RHBDL3: variants seen among roughly 807,000 people sequenced by gnomAD.
RHBDL3 encodes the protein rhomboid-related protein 3.
RHBDL3 carries 28 observed loss-of-function variants against 48.2 expected under a neutral mutation model. That is an observed-to-expected ratio of 0.58 (90% CI 0.43 to 0.80). The LOEUF (loss-of-function observed/expected upper bound fraction) is 0.80. Ranked by LOEUF, RHBDL3 falls within the 30% of genes least tolerant of loss-of-function variation. The pLI is 0.00. For synonymous variants in RHBDL3, 208 were observed against 232.3 expected (o/e 0.90, Z 0.95); for missense variants, 464 against 542.7 (o/e 0.85, Z 1.44).
intron 2 of RHBDL3, among the ~76,000 whole-genome samples, chr17:32,281,819 C>T (rs1221566909): frequency 6.6e-6 from 1 of 152,186 alleles, no homozygotes; most frequent in South Asian, 2.1e-4. Flanking sequence ...CCTTCCTCTC[C>T]TGGGCCCACA....
At chr17:32,316,386 C>T (rs1378273514) in intron 8 of RHBDL3, 94 bp downstream of exon 8, 15 of 914,546 alleles carry the variant, frequency 1.6e-5, no homozygotes, top group Non-Finnish European at 2.4e-5. Flanking sequence ...GGCTTATGGT[C>T]AAGAAAAAAA....
At chr17:32,294,125 T>G (rs2040395900) in intron 4 of RHBDL3, among the ~76,000 whole-genome samples, 169 bp from the exon 5 acceptor site, 1 of 128,924 alleles carries the variant, frequency 7.8e-6, no homozygotes. Flanking sequence ...CGAAACTCCA[T>G]CTCAAAAAAA....
At chr17:32,269,302 C>T (rs1042747951) in intron 2 of RHBDL3, among the ~76,000 whole-genome samples, 2 of 152,184 alleles carry the variant, frequency 1.3e-5, no homozygotes, top group Admixed American at 6.5e-5. Flanking sequence ...GAGCCACGAT[C>T]GTGCTACTGC....
Position 32,294,442 on chromosome 17 carries a change from G to A in RHBDL3, c.668G>A (p.Gly223Glu), listed in dbSNP as rs773498800. 3.1e-6 allele frequency: 5 copies of A among 1,613,080 alleles called. No homozygotes were observed. Among genetic ancestry groups the A allele is most frequent in the East Asian group, 2.2e-5 (1 of 44,824 alleles). Residue 223 changes from glycine to glutamate, a missense_variant and splice_region_variant, in exon 5 of 9, where the codon GGG becomes GAG. Gly to Glu is a moderately conservative substitution (Grantham distance 98). Transcript: ENST00000269051. Reference sequence around the variant, plus strand: ...CTGACATACATCTTCATGCATGCAGGGTGAGTACCTGTCTTCTTTTGCTCT... The same window carrying A: ...CTGACATACATCTTCATGCATGCAGAGTGAGTACCTGTCTTCTTTTGCTCT... Reference protein sequence around the residue: ...RYLTYIFMHAGIEHLGLNVVL... With the variant: ...RYLTYIFMHAEIEHLGLNVVL...
chr17:32,320,114 A>T (rs2041087851), intron 8 of RHBDL3, among the ~76,000 whole-genome samples: 1 of 151,944 alleles, frequency 6.6e-6, no homozygotes, highest in Non-Finnish European at 1.5e-5. Flanking sequence ...CAAAAAAAAA[A>T]ATTTTTTTTT....
intron 2 of RHBDL3, among the ~76,000 whole-genome samples, chr17:32,276,936 C>T (rs983250956): frequency 2.7e-5 from 4 of 147,362 alleles, no homozygotes; most frequent in Non-Finnish European, 4.5e-5. Flanking sequence ...CACCTTACTC[C>T]GGCCCTAGCA....
At chr17:32,320,235 T>C (rs919581527) in intron 8 of RHBDL3, among the ~76,000 whole-genome samples, 1 of 152,158 alleles carries the variant, frequency 6.6e-6, no homozygotes, top group Non-Finnish European at 1.5e-5. Flanking sequence ...ATGGTGCCGC[T>C]GTACTCCCGC....
intron 5 of RHBDL3, among the ~76,000 whole-genome samples, chr17:32,297,524 G>GC (rs967038435): frequency 6.6e-6 from 1 of 152,080 alleles, no homozygotes; most frequent in African/African-American, 2.4e-5. Flanking sequence ...TGACCACATG[G>GC]CCCAGTGAAT....
At chr17:32,293,944 A>G (rs1421342125) in intron 4 of RHBDL3, among the ~76,000 whole-genome samples, 1 of 152,120 alleles carries the variant, frequency 6.6e-6, no homozygotes, top group Non-Finnish European at 1.5e-5. Context: ...CTTGACCAAC[A>G]TGGAGAAACC....
chr17:32,304,702 C>T lies in RHBDL3; in HGVS notation c.782-639C>T, dbSNP rs569346360. Among the ~76,000 whole-genome samples, 4 of 152,234 alleles carry T rather than the reference C, an allele frequency of 2.6e-5. No homozygotes were observed. In the South Asian group the frequency reaches 8.3e-4, roughly 32 times the overall value. On this transcript the variant is annotated intron_variant, in intron 6 of 8. Transcript: ENST00000269051. ...AACCCTGACATAGCACCATGTCAGG[C>T]AGACATTGGATTGAGAGGCAGATAA... is the stretch of plus-strand genomic sequence containing the variant.
At chr17:32,320,685 A>G (rs1043312246) in intron 8 of RHBDL3, among the ~76,000 whole-genome samples, 6 of 152,144 alleles carry the variant, frequency 3.9e-5, no homozygotes, top group African/African-American at 1.4e-4. Flanking sequence ...TCCCTCCTTA[A>G]AACAGGCATT....
chr17:32,271,212 C>A (rs1279153579), intron 2 of RHBDL3, among the ~76,000 whole-genome samples: 3 of 152,160 alleles, frequency 2.0e-5, no homozygotes, highest in African/African-American at 7.2e-5. Flanking sequence ...TTAAAAACAT[C>A]ATATAACCCT....
Position 32,289,012 on chromosome 17 carries a change from T to G in RHBDL3, c.515T>G (p.Leu172Arg). 6.2e-7 allele frequency: 1 copy of G among 1,613,908 alleles called. No homozygotes were observed. The highest frequency in any genetic ancestry group is 8.5e-7 in the Non-Finnish European group (1 of 1,179,880). Residue 172 changes from leucine to arginine, a missense_variant, in exon 4 of 9, where the codon CTG becomes CGG. Transcript: ENST00000269051. ...PPWFMITVTLLEVAFFLYNGV... is the reference protein window; with the variant it reads ...PPWFMITVTLREVAFFLYNGV... ...TGGTTCATGATCACAGTCACGCTGC[T>G]GGAGGCAAGGACAAGGGTGGGGAGG...
chr17:32,315,100 G>C (rs981678527), intron 7 of RHBDL3, among the ~76,000 whole-genome samples: 1 of 152,246 alleles, frequency 6.6e-6, no homozygotes, highest in Non-Finnish European at 1.5e-5. Context: ...CTTGACTGAA[G>C]TGTTCATAGA....
chr17:32,269,956 G>A (rs1411114152), intron 2 of RHBDL3, among the ~76,000 whole-genome samples: 4 of 151,910 alleles, frequency 2.6e-5, no homozygotes, highest in African/African-American at 9.7e-5. Context: ...TTTTCCAACT[G>A]AAGGTAGGTC....
intron 2 of RHBDL3, among the ~76,000 whole-genome samples, chr17:32,271,012 A>G (rs1483682212): frequency 1.3e-5 from 2 of 152,210 alleles, no homozygotes; most frequent in African/African-American, 2.4e-5. Context: ...CCTGGGCAAC[A>G]TAGCGAGACC....
At chr17:32,309,614 A>G (rs1303616783) in intron 7 of RHBDL3, among the ~76,000 whole-genome samples, 1 of 152,120 alleles carries the variant, frequency 6.6e-6, no homozygotes, top group African/African-American at 2.4e-5. Context: ...CAATGTCACC[A>G]TCTTAATAGC....
At chr17:32,276,815 A>C (rs78519429) in intron 2 of RHBDL3, among the ~76,000 whole-genome samples, 26 of 32,152 alleles carry the variant, frequency 8.1e-4, no homozygotes, top group African/African-American at 3.0e-3. Flanking sequence ...GCCCTAGCAC[A>C]GTACTCCGGC....
At chr17:32,307,344 C>T (rs4794915) in intron 7 of RHBDL3, among the ~76,000 whole-genome samples, 80,569 of 152,072 alleles carry the variant, frequency 0.53, 22,230 homozygotes, top group Non-Finnish European at 0.6. Context: ...TCAGTGTCTT[C>T]GCCCACGTGG....
Sources: gnomAD v4.1 joint callset for allele counts (sites outside exome capture counted in the v4.1 genomes callset) on GRCh38, gnomAD v4.1.1 for gene constraint, MANE v1.5 for transcripts, NCBI Gene and HGNC (gene_info 2026-07-23, HGNC 2026-07-21) for gene names.